Variants in PDE4DIP observed in about 807,000 individuals in gnomAD.
The protein encoded by PDE4DIP is phosphodiesterase 4D interacting protein, also known as myomegalin.
Under a neutral mutation model 221.4 loss-of-function variants are expected in PDE4DIP, and 59 were observed. That is an observed-to-expected ratio of 0.27 (90% CI 0.22 to 0.33). The LOEUF (loss-of-function observed/expected upper bound fraction) is 0.33, where lower values mean the gene tolerates loss of function less well. PDE4DIP is among the 10% of genes least tolerant of loss of function. The pLI is 1.00. For synonymous variants in PDE4DIP, 404 were observed against 815.9 expected (o/e 0.50, Z 8.60); for missense variants, 1,036 against 2,154.2 (o/e 0.48, Z 10.28).
intron 5 of PDE4DIP, among the ~76,000 whole-genome samples, chr1:148,954,095 A>C (rs2054478677): frequency 6.6e-6 from 1 of 152,208 alleles, no homozygotes; most frequent in African/African-American, 2.4e-5. Context: ...TTTGATTTTC[A>C]CAATCCTTTT....
At chr1:148,820,393 C>T (rs1373189000) in intron 1 of PDE4DIP, among the ~76,000 whole-genome samples, 1 of 144,672 alleles carries the variant, frequency 6.9e-6, no homozygotes, top group African/African-American at 2.6e-5. Context: ...ATGGTGAAAC[C>T]CCCTCTCTAC....
At chr1:149,023,072 G>T (rs1231163912) in intron 37 of PDE4DIP, among the ~76,000 whole-genome samples, 1 of 152,408 alleles carries the variant, frequency 6.6e-6, no homozygotes, top group Middle Eastern at 3.4e-3. Context: ...CCTAAAATTG[G>T]TTCATCCTGA....
At chr1:149,031,327 A>T (rs1168655930) in intron 43 of PDE4DIP, 2 of 153,518 alleles carry the variant, frequency 1.3e-5, no homozygotes, top group Non-Finnish European at 2.9e-5. Context: ...CCTCCCATAG[A>T]TCACTGGAAA....
intron 38 of PDE4DIP, among the ~76,000 whole-genome samples, chr1:149,025,192 C>G (rs1197561933): frequency 6.6e-6 from 1 of 151,532 alleles, no homozygotes; most frequent in Non-Finnish European, 1.5e-5. Flanking sequence ...GAGATATTAA[C>G]AGACAAGCGG....
exon 35 of PDE4DIP, chr1:149,018,609 C>T (rs782676345): frequency 6.2e-7 from 1 of 1,608,912 alleles, no homozygotes. Flanking sequence ...AGAACAGAGT[C>T]CTCAGGGAAG....
chr1:148,940,482 G>A (rs2050277901), intron 5 of PDE4DIP, among the ~76,000 whole-genome samples: 1 of 151,104 alleles, frequency 6.6e-6, no homozygotes, highest in Non-Finnish European at 1.5e-5. Flanking sequence ...CTTTTTCATA[G>A]AAAATTCATT....
At chr1:148,953,045 C>T (rs1327442113) in intron 5 of PDE4DIP, 5 of 1,614,062 alleles carry the variant, frequency 3.1e-6, no homozygotes, top group African/African-American at 1.3e-5. Context: ...GAAGGATCGC[C>T]TCAAGTTCTG....
chr1:148,960,895 C>T (rs1436388777), intron 6 of PDE4DIP, 110 bp downstream of exon 9: 9 of 569,808 alleles, frequency 1.6e-5, no homozygotes, highest in Non-Finnish European at 2.8e-5. Flanking sequence ...ATACTGTGTA[C>T]TCCTTGTGCT....
At chr1:148,981,443 G>A in intron 21 of PDE4DIP, 46 bp downstream of exon 24, 1 of 1,612,402 alleles carries the variant, frequency 6.2e-7, no homozygotes, top group Non-Finnish European at 8.5e-7. Flanking sequence ...CATGCCTACT[G>A]AGCACTGGCG....
rs1353826762 is a variant in PDE4DIP at position 148,981,185 on chromosome 1, G to C, written c.2688-85G>C. The stretch of plus-strand genomic sequence containing the variant: ...TTACAAAGTCGTGTGGCTCAAAGTG[G>C]TATTGATGGTTCTTTGGAAACAAAT... On this transcript the variant is annotated intron_variant, in intron 20 of 43. Coordinates refer to ENST00000369354, the Ensembl canonical transcript of PDE4DIP. 33 of 1,236,572 alleles carry C rather than the reference G, an allele frequency of 2.7e-5. No individual in the cohort carries two copies. In the South Asian group the frequency reaches 3.9e-4, roughly 15 times the overall value. 76.6% of individuals were successfully genotyped at this position (1,236,572 alleles called of 1,614,324 possible).
chr1:148,902,742 A>C (rs1299196898), intron 1 of PDE4DIP, among the ~76,000 whole-genome samples: 8 of 94,180 alleles, frequency 8.5e-5, no homozygotes, highest in South Asian at 3.8e-4. Context: ...ATATATATAT[A>C]TCCATCATAT....
chr1:148,875,902 G>A (rs1572431220), intron 3 of PDE4DIP, among the ~76,000 whole-genome samples: 2 of 152,404 alleles, frequency 1.3e-5, no homozygotes, highest in African/African-American at 2.4e-5. Flanking sequence ...CTCCAGCCTG[G>A]GCGACAAAGC....
At position 148,967,921 on chromosome 1, in the gene PDE4DIP, A is replaced by T; in HGVS notation, c.1785+16A>T. On this transcript the variant is annotated intron_variant, in intron 13 of 43. Transcript: ENST00000369354. ...AGAAGTGGAGGCAAGACTTCAGTTA[A>T]CTTTAAGGCAGTTGGTTCAGTGATT... 2.6e-6 allele frequency: 2 copies of T among 779,158 alleles called. No individual in the cohort carries two copies. The highest frequency in any genetic ancestry group is 2.1e-5 in the Admixed American group (1 of 47,326). 48.3% of individuals were successfully genotyped at this position (779,158 alleles called of 1,614,324 possible).
At chr1:148,920,167 C>T (rs868912876) in intron 1 of PDE4DIP, among the ~76,000 whole-genome samples, 1 of 148,416 alleles carries the variant, frequency 6.7e-6, no homozygotes, top group Admixed American at 6.6e-5. Context: ...TGGAATCTCA[C>T]TCTTGCCCAG....
intron 14 of PDE4DIP, among the ~76,000 whole-genome samples, chr1:148,969,542 C>T (rs1200746958): frequency 2.6e-5 from 4 of 151,792 alleles, no homozygotes; most frequent in Non-Finnish European, 5.9e-5. Flanking sequence ...TTTGCATTTC[C>T]AGTCAAGGTA....
chr1:148,875,972 AT>A lies in PDE4DIP; in HGVS notation c.441+7353del, dbSNP rs1691133946. On this transcript the variant is annotated intron_variant, in intron 3 of 45. Transcript: ENST00000524974. ...ATACTGGGATAGAACATTTTTTCTA[AT>A]TTGTGCACGCGCGTGTGCGTGTGTA... 2.6e-5 allele frequency among the ~76,000 whole-genome samples: 4 copies of A among 152,388 alleles called. No individual in the cohort carries two copies. In the South Asian group the frequency reaches 8.3e-4, roughly 32 times the overall value.
At chr1:148,950,400 G>A (rs1305020507) in intron 5 of PDE4DIP, among the ~76,000 whole-genome samples, 14 of 152,322 alleles carry the variant, frequency 9.2e-5, no homozygotes, top group Non-Finnish European at 1.6e-4. Flanking sequence ...TCTATTCTTG[G>A]TTTTTGAGTC....
exon 19 of PDE4DIP, chr1:148,978,377 T>G (rs1553539577): frequency 1.2e-6 from 2 of 1,610,448 alleles, no homozygotes; most frequent in African/African-American, 1.3e-5. Flanking sequence ...TTCAGTAGAA[T>G]CCCAGGGTCA....
chr1:148,999,245 T>C (rs1171069787), intron 23 of PDE4DIP: 5 of 150,944 alleles, frequency 3.3e-5, no homozygotes, highest in Non-Finnish European at 7.4e-5. Context: ...GCTGATACTG[T>C]AGGGCTGATC....
Sources: allele counts gnomAD v4.1 joint callset (sites outside exome capture counted in the v4.1 genomes callset), GRCh38; gene constraint gnomAD v4.1.1; transcripts MANE v1.5; gene names NCBI Gene and HGNC (gene_info 2026-07-23, HGNC 2026-07-21).